ENPP3: variants seen among roughly 807,000 people sequenced by gnomAD.
The protein encoded by ENPP3 is ectonucleotide pyrophosphatase/phosphodiesterase 3, also known as ectonucleotide pyrophosphatase/phosphodiesterase family member 3.
Under a neutral mutation model 117.8 loss-of-function variants are expected in ENPP3, and 104 were observed. That is an observed-to-expected ratio of 0.88 (90% CI 0.75 to 1.04). ENPP3 has a LOEUF of 1.04. Among genes scored for constraint, ENPP3 ranks in the 50% least tolerant of loss-of-function variants. The probability of loss-of-function intolerance (pLI) is 0.00; values close to 1 mark genes in which losing one functional copy is unlikely to be tolerated. For missense variants in ENPP3, 1,026 were observed against 1,051.9 expected, an observed-to-expected ratio of 0.98 and a Z score of 0.34; for synonymous variants, 380 against 349.9, an observed-to-expected ratio of 1.09 and a Z score of -0.96.
At chr6:131,693,188 T>A (rs1290446643) in intron 14 of ENPP3, among the ~76,000 whole-genome samples, 1 of 150,698 alleles carries the variant, frequency 6.6e-6, no homozygotes, top group Non-Finnish European at 1.5e-5. Flanking sequence ...TCAGATTTTT[T>A]ATTTTTTTGA....
chr6:131,650,229 CT>C (rs1016026801), intron 3 of ENPP3, 80 bp downstream of exon 3: 120 of 1,503,282 alleles, frequency 8.0e-5, no homozygotes, highest in African/African-American at 1.1e-4. Flanking sequence ...CTTTTCTTTC[CT>C]TTTTTTTGAG....
At chr6:131,720,698 C>T (rs779886899) in intron 17 of ENPP3, among the ~76,000 whole-genome samples, 12 of 152,268 alleles carry the variant, frequency 7.9e-5, no homozygotes, top group South Asian at 4.2e-4. Context: ...TCTCCTGTCT[C>T]AGCTTCCCAA....
intron 16 of ENPP3, among the ~76,000 whole-genome samples, chr6:131,719,866 A>T (rs1236547548): frequency 1.3e-5 from 2 of 152,210 alleles, no homozygotes; most frequent in Admixed American, 6.5e-5. Flanking sequence ...CTAAAAAAAA[A>T]AGTTAACATT....
intron 16 of ENPP3, among the ~76,000 whole-genome samples, chr6:131,718,990 A>G (rs9493078): frequency 1.3e-3 from 193 of 152,288 alleles, no homozygotes; most frequent in African/African-American, 4.5e-3. Flanking sequence ...GCCCTCACGA[A>G]GCTTTTATTC....
chr6:131,729,646 GC>G (rs1780233194), intron 20 of ENPP3, among the ~76,000 whole-genome samples: 1 of 151,908 alleles, frequency 6.6e-6, no homozygotes, highest in South Asian at 2.1e-4. Flanking sequence ...TGTGTTGGAG[GC>G]GGGGTGGTGG....
chr6:131,702,744 A>C (rs1365921737), intron 15 of ENPP3, among the ~76,000 whole-genome samples: 188 of 126,420 alleles, frequency 1.5e-3, no homozygotes, highest in African/African-American at 2.5e-3. Flanking sequence ...TTTTATTCTC[A>C]TTTTTTATGT....
chr6:131,649,932 G>A, intron 2 of ENPP3, 95 bp from the exon 3 acceptor site: 1 of 1,308,550 alleles, frequency 7.6e-7, no homozygotes, highest in Non-Finnish European at 1.1e-6. Context: ...GTCTGTCATA[G>A]TCTGTGCTGT....
intron 14 of ENPP3, among the ~76,000 whole-genome samples, chr6:131,689,829 G>GTGATTTC (rs1192347693): frequency 6.6e-6 from 1 of 152,190 alleles, no homozygotes; most frequent in Non-Finnish European, 1.5e-5. Context: ...TTTGTGATTT[G>GTGATTTC]TGGGAGGTCA....
chr6:131,681,481 C>T (rs1779022584), intron 11 of ENPP3, among the ~76,000 whole-genome samples: 1 of 151,272 alleles, frequency 6.6e-6, no homozygotes, highest in Non-Finnish European at 1.5e-5. Flanking sequence ...TTCCCCAATC[C>T]ATTGCTATTA....
intron 20 of ENPP3, among the ~76,000 whole-genome samples, chr6:131,732,441 C>A (rs1291111749): frequency 6.6e-6 from 1 of 152,110 alleles, no homozygotes; most frequent in Non-Finnish European, 1.5e-5. Context: ...AAGACGGAGT[C>A]TCTCTCCGTT....
rs1474400507 is a variant in ENPP3, at chr6:131,714,119, GAA to G, written c.1413-4550_1413-4549del. On this transcript the variant is annotated intron_variant, in intron 15 of 24. Transcript: ENST00000357639. ...CATGTAATTTATTGAATACTGTACT[GAA>G]AAGGAAAAACATCATGGTAGCATGA... is the stretch of plus-strand genomic sequence containing the variant. 3.3e-5 allele frequency among the ~76,000 whole-genome samples: 5 copies of G among 152,066 alleles called. No individual in the cohort carries two copies. In the South Asian group the frequency reaches 6.2e-4, roughly 19 times the overall value.
At chr6:131,732,816 C>T (rs745696973) in intron 20 of ENPP3, among the ~76,000 whole-genome samples, 5 of 150,778 alleles carry the variant, frequency 3.3e-5, no homozygotes, top group Non-Finnish European at 5.9e-5. Flanking sequence ...AGCTCACCTC[C>T]GCCTCCCGGT....
intron 12 of ENPP3, 99 bp from the exon 13 acceptor site, chr6:131,685,265 A>G: frequency 9.5e-7 from 1 of 1,052,570 alleles, no homozygotes; most frequent in Non-Finnish European, 1.4e-6. Context: ...GCTTAGTTTG[A>G]GATCTGTAAC....
At chr6:131,659,082 C>T (rs1778445404) in intron 6 of ENPP3, among the ~76,000 whole-genome samples, 1 of 152,150 alleles carries the variant, frequency 6.6e-6, no homozygotes, top group South Asian at 2.1e-4. Flanking sequence ...CTTTTATTAT[C>T]AACTTTATTA....
chr6:131,694,456 T>C (rs918850887), intron 15 of ENPP3, among the ~76,000 whole-genome samples: 2 of 152,188 alleles, frequency 1.3e-5, no homozygotes, highest in African/African-American at 2.4e-5. Context: ...CATAAGTAGA[T>C]GTAAAAAGTA....
intron 11 of ENPP3, among the ~76,000 whole-genome samples, chr6:131,682,219 C>T (rs909646892): frequency 1.3e-5 from 2 of 152,006 alleles, no homozygotes; most frequent in South Asian, 2.1e-4. Flanking sequence ...TGTGGCCAAG[C>T]GTGTCAGCTC....
Position 131,685,350 on chromosome 6 carries a change from A to G in ENPP3, c.1121-14A>G, listed in dbSNP as rs1376768242. The G allele has an allele frequency of 6.2e-7, 1 of 1,600,108 alleles. No individual in the cohort carries two copies. Among genetic ancestry groups the G allele is most frequent in the East Asian group, 2.2e-5 (1 of 44,778 alleles). On this transcript the variant is annotated splice_polypyrimidine_tract_variant and intron_variant, in intron 12 of 24. Transcript: ENST00000357639. ...ATACATTCAGTGGGTTATTATGATTATTTTTTTATTCAGGAATGGACCAGA... is the reference window on the plus strand; with the variant it reads ...ATACATTCAGTGGGTTATTATGATTGTTTTTTTATTCAGGAATGGACCAGA...
chr6:131,740,497 T>C (rs1780505890), intron 24 of ENPP3, 117 bp downstream of exon 24: 1 of 687,270 alleles, frequency 1.5e-6, no homozygotes, highest in Non-Finnish European at 2.3e-6. Context: ...GGAAAAGTTA[T>C]AACACAAATG....
chr6:131,721,916 A>G (rs2270089), intron 17 of ENPP3, among the ~76,000 whole-genome samples: 40,673 of 152,004 alleles, frequency 0.27, 9,221 homozygotes, highest in African/African-American at 0.6. Flanking sequence ...CAAGAGATGG[A>G]GTTTCAGTAT....
Sources: gnomAD v4.1 joint callset for allele counts (sites outside exome capture counted in the v4.1 genomes callset) on GRCh38, gnomAD v4.1.1 for gene constraint, MANE v1.5 for transcripts, NCBI Gene and HGNC (gene_info 2026-07-23, HGNC 2026-07-21) for gene names.